ATP6V1H: variants seen among roughly 807,000 people sequenced by gnomAD.
ATP6V1H encodes V-type proton ATPase subunit H.
ATP6V1H carries 39 observed loss-of-function variants against 71.7 expected under a neutral mutation model. That is an observed-to-expected ratio of 0.54 (90% CI 0.42 to 0.71). The LOEUF (loss-of-function observed/expected upper bound fraction) is 0.71. ATP6V1H is among the 30% of genes least tolerant of loss of function. The pLI is 0.00. For synonymous variants in ATP6V1H, 192 were observed against 199.3 expected, an observed-to-expected ratio of 0.96 and a Z score of 0.31; for missense variants, 509 against 594.9, an observed-to-expected ratio of 0.86 and a Z score of 1.50.
intron 7 of ATP6V1H, among the ~76,000 whole-genome samples, chr8:53,804,133 G>A (rs1810002932): frequency 1.3e-5 from 2 of 152,166 alleles, no homozygotes; most frequent in Admixed American, 6.5e-5. Flanking sequence ...CACACTATCA[G>A]GCAGTAGCCA....
At chr8:53,813,792 T>C (rs1872063) in intron 6 of ATP6V1H, among the ~76,000 whole-genome samples, 13,712 of 152,188 alleles carry the variant, frequency 0.09, 955 homozygotes, top group East Asian at 0.37. Flanking sequence ...CACGAAGACA[T>C]AGAGCTAGAA....
intron 9 of ATP6V1H, among the ~76,000 whole-genome samples, chr8:53,792,038 C>CA (rs1235958094): frequency 6.6e-6 from 1 of 152,154 alleles, no homozygotes; most frequent in African/African-American, 2.4e-5. Context: ...AAAATACATT[C>CA]AGTTTACCTA....
At chr8:53,755,713 TATATATATATATATATATATATATATA>T (rs1563451058) in intron 12 of ATP6V1H, among the ~76,000 whole-genome samples, 10 of 6,104 alleles carry the variant, frequency 1.6e-3, no homozygotes, top group East Asian at 8.8e-3. Context: ...TATATATATA[TATATATATATATATATATATATATATA>T]TATATTTTTT....
At chr8:53,718,680 T>C (rs958698589) in intron 13 of ATP6V1H, among the ~76,000 whole-genome samples, 6 of 152,150 alleles carry the variant, frequency 3.9e-5, no homozygotes, top group African/African-American at 1.4e-4. Flanking sequence ...TGAGCCACCA[T>C]ACCCGGCCAG....
chr8:53,786,792 T>C (rs886515853), intron 9 of ATP6V1H, among the ~76,000 whole-genome samples: 4 of 152,232 alleles, frequency 2.6e-5, no homozygotes, highest in African/African-American at 7.2e-5. Flanking sequence ...CAGAGGGATG[T>C]TGACATTTCT....
chr8:53,746,138 G>A (rs1411533792), intron 12 of ATP6V1H, among the ~76,000 whole-genome samples: 1 of 152,124 alleles, frequency 6.6e-6, no homozygotes, highest in Non-Finnish European at 1.5e-5. Context: ...TTCATCTCAT[G>A]TAATTCTCAC....
At chr8:53,748,840 T>C (rs1807697685) in intron 12 of ATP6V1H, among the ~76,000 whole-genome samples, 1 of 152,212 alleles carries the variant, frequency 6.6e-6, no homozygotes, top group Non-Finnish European at 1.5e-5. Context: ...TAAGTTAAAA[T>C]AGAAAAATTA....
At chr8:53,810,516 C>T (rs1234275120) in intron 7 of ATP6V1H, among the ~76,000 whole-genome samples, 3 of 151,994 alleles carry the variant, frequency 2.0e-5, no homozygotes, top group African/African-American at 4.8e-5. Flanking sequence ...CCAAGGCAGG[C>T]GGATCACGAG....
chr8:53,722,987 T>C (rs1806677717), intron 13 of ATP6V1H, among the ~76,000 whole-genome samples: 2 of 152,200 alleles, frequency 1.3e-5, no homozygotes. Flanking sequence ...ACTTGAAGAA[T>C]CTCCTAGCCT....
chr8:53,814,913 A>T (rs552939759), intron 5 of ATP6V1H, 147 bp from the exon 6 acceptor site: 2 of 496,346 alleles, frequency 4.0e-6, no homozygotes, highest in African/African-American at 2.0e-5. Flanking sequence ...TTCATTTTTT[A>T]AAATATATTT....
chr8:53,839,533 ACT>A, intron 2 of ATP6V1H: 11 of 805,712 alleles, frequency 1.4e-5, no homozygotes, highest in Non-Finnish European at 1.6e-5. Flanking sequence ...AATCACTAAG[ACT>A]CTCTCAATCT....
Position 53,755,302 on chromosome 8 carries a change from T to C in ATP6V1H, c.1277+1253A>G, listed in dbSNP as rs145768715. 2.2e-3 allele frequency among the ~76,000 whole-genome samples: 336 copies of C among 152,238 alleles called. 2 individuals carry two copies. Among genetic ancestry groups the C allele is most frequent in the African/African-American group, 7.8e-3 (325 of 41,550 alleles). ...ACAAAATCTATGTGCCCCATTCCAA[T>C]AGCTAACTTCACTATTTTTTAACCA... is the stretch of plus-strand genomic sequence containing the variant. On this transcript the variant is annotated intron_variant, in intron 12 of 13. Coordinates refer to ENST00000359530, the MANE Select transcript of ATP6V1H (RefSeq NM_015941.4).
chr8:53,760,802 C>A (rs942014558), intron 11 of ATP6V1H, among the ~76,000 whole-genome samples: 1 of 152,086 alleles, frequency 6.6e-6, no homozygotes, highest in African/African-American at 2.4e-5. Context: ...ACTCATAATA[C>A]CCCTTCCCTT....
At chr8:53,823,323 C>T (rs1481811224) in intron 4 of ATP6V1H, among the ~76,000 whole-genome samples, 1 of 152,084 alleles carries the variant, frequency 6.6e-6, no homozygotes, top group East Asian at 1.9e-4. Flanking sequence ...ATGTTTTAAG[C>T]ATTTCTGCCT....
At chr8:53,759,937 C>T (rs1808209804) in intron 11 of ATP6V1H, among the ~76,000 whole-genome samples, 1 of 152,198 alleles carries the variant, frequency 6.6e-6, no homozygotes, top group Non-Finnish European at 1.5e-5. Flanking sequence ...ATGCATGATG[C>T]TTTTTAAACA....
intron 9 of ATP6V1H, among the ~76,000 whole-genome samples, chr8:53,776,267 G>A (rs779968223): frequency 6.6e-6 from 1 of 152,178 alleles, no homozygotes; most frequent in African/African-American, 2.4e-5. Context: ...CCTAGTTCCC[G>A]CTCGTGCCTC....
At position 53,718,766 on chromosome 8, in the gene ATP6V1H, T is replaced by C. The variant is rs561582531; in HGVS notation, c.1392-2742A>G. The stretch of plus-strand genomic sequence containing the variant: ...CTTCCTGACCTAAGTACGTGACACA[T>C]AGAAAAATCAGCACCTCCTTTCTTC... On this transcript the variant is annotated intron_variant, in intron 13 of 13. Transcript: ENST00000359530. Among the ~76,000 whole-genome samples the C allele has an allele frequency of 4.6e-5, 7 of 152,256 alleles. No individual in the cohort carries two copies. The South Asian group carries it at 6.2e-4, about 14-fold the overall frequency.
At chr8:53,784,222 C>T (rs534501472) in intron 9 of ATP6V1H, among the ~76,000 whole-genome samples, 1 of 152,320 alleles carries the variant, frequency 6.6e-6, no homozygotes, top group South Asian at 2.1e-4. Flanking sequence ...AATCTGGATG[C>T]TCCTGTATTG....
chr8:53,756,017 A>G (rs1808042664), intron 12 of ATP6V1H, among the ~76,000 whole-genome samples: 1 of 144,834 alleles, frequency 6.9e-6, no homozygotes, highest in African/African-American at 2.5e-5. Flanking sequence ...TCGGCCTCCC[A>G]AAGTGCTGGG....
Sources: allele counts gnomAD v4.1 joint callset (sites outside exome capture counted in the v4.1 genomes callset), GRCh38; gene constraint gnomAD v4.1.1; transcripts MANE v1.5; gene names NCBI Gene and HGNC (gene_info 2026-07-23, HGNC 2026-07-21).